HERC5: variants seen among roughly 807,000 people sequenced by gnomAD.
HERC5 encodes E3 ISG15--protein ligase HERC5.
Under a neutral mutation model 119.6 loss-of-function variants are expected in HERC5, and 99 were observed. That is an observed-to-expected ratio of 0.83 (90% CI 0.70 to 0.98). The LOEUF is 0.98. Among genes scored for constraint, HERC5 ranks in the 50% least tolerant of loss-of-function variants. The pLI, the probability that HERC5 is intolerant of heterozygous loss-of-function variation, is 0.00. For missense variants in HERC5, 1,267 were observed against 1,241.3 expected (o/e 1.02, Z -0.31); for synonymous variants, 478 against 445.9 (o/e 1.07, Z -0.91).
At chr4:88,498,649 C>T (rs544921534) in intron 18 of HERC5, among the ~76,000 whole-genome samples, 1 of 152,328 alleles carries the variant, frequency 6.6e-6, no homozygotes, top group South Asian at 2.1e-4. Flanking sequence ...GGGCTCACTG[C>T]AACCTCCACC....
intron 6 of HERC5, among the ~76,000 whole-genome samples, chr4:88,466,363 T>C (rs571672449): frequency 6.6e-6 from 1 of 152,332 alleles, no homozygotes; most frequent in South Asian, 2.1e-4. Flanking sequence ...ATTACAGGCA[T>C]GAGCCACCAC....
In HERC5 at chr4:88,467,766, T is replaced by C. The variant is rs138904059; in HGVS notation, c.1057+562T>C. ...TGGCCAGTAAGTGGTTTGTCTGGAG[T>C]TGAACCCGTGCCCTTTATGACCTCA... On this transcript the variant is annotated intron_variant, in intron 7 of 22. Transcript: ENST00000264350. 2.2e-4 allele frequency: 62 copies of C among 275,828 alleles called. No individual in the cohort carries two copies. In the East Asian group the frequency reaches 4.6e-3, roughly 20 times the overall value. The allele number at this position is 275,828 out of a possible 1,614,324, so 17.1% of individuals were successfully genotyped here.
chr4:88,462,923 C>G (rs1740503265), intron 4 of HERC5, among the ~76,000 whole-genome samples: 1 of 152,130 alleles, frequency 6.6e-6, no homozygotes, highest in African/African-American at 2.4e-5. Context: ...TAAGAGTTTT[C>G]AGGTGTAAGA....
At chr4:88,481,710 G>T (rs529589686) in intron 13 of HERC5, among the ~76,000 whole-genome samples, 178 of 152,258 alleles carry the variant, frequency 1.2e-3, no homozygotes, top group Non-Finnish European at 2.0e-3. Context: ...AGTTGTTCAG[G>T]AGTAGCATGA....
intron 16 of HERC5, 60 bp downstream of exon 16, chr4:88,489,396 G>A (rs555658484): frequency 4.9e-6 from 7 of 1,436,802 alleles, no homozygotes; most frequent in African/African-American, 1.4e-5. Flanking sequence ...ATAAAAGAAT[G>A]TGGCAAAGGG....
In HERC5 at chr4:88,491,096, T is replaced by C. The variant is rs371946866; in HGVS notation, c.2133+1760T>C. Among the ~76,000 whole-genome samples, 28 of 152,258 alleles carry C rather than the reference T, an allele frequency of 1.8e-4. 1 individual carries two copies. In the East Asian group the frequency reaches 5.4e-3, roughly 29 times the overall value. On this transcript the variant is annotated intron_variant, in intron 16 of 22. Coordinates refer to ENST00000264350, the MANE Select transcript of HERC5 (RefSeq NM_016323.4). ...GACCCCTGTAATCTTTCTGATAATC[T>C]TGTGGGAAAACTGAGGTTTTATGAG... is the stretch of plus-strand genomic sequence containing the variant.
At chr4:88,487,254 G>GTTCTC in intron 15 of HERC5, 75 bp downstream of exon 15, 1 of 800,718 alleles carries the variant, frequency 1.2e-6, no homozygotes, top group Non-Finnish European at 2.0e-6. Flanking sequence ...TATTTTGGGG[G>GTTCTC]TGATAAGAGA....
At chr4:88,465,076 G>A (rs1740610849) in intron 6 of HERC5, among the ~76,000 whole-genome samples, 2 of 152,062 alleles carry the variant, frequency 1.3e-5, no homozygotes, top group Non-Finnish European at 2.9e-5. Flanking sequence ...GGCCACAACC[G>A]GCTAATTTTT....
At chr4:88,475,021 G>A (rs1209642110) in intron 11 of HERC5, among the ~76,000 whole-genome samples, 1 of 152,022 alleles carries the variant, frequency 6.6e-6, no homozygotes, top group Non-Finnish European at 1.5e-5. Flanking sequence ...GGAAATTGGA[G>A]GGGCTAGAAA....
Position 88,463,587 on chromosome 4 carries a change from C to T in HERC5, c.744C>T (p.Val248=), listed in dbSNP as rs772554974. The T allele has an allele frequency of 1.7e-5, 28 of 1,613,272 alleles. No homozygotes were observed. The highest frequency in any genetic ancestry group is 1.3e-4 in the Admixed American group (8 of 59,936). Residue 248 remains valine, a synonymous_variant, in exon 5 of 23, where the codon GTC becomes GTT. Transcript: ENST00000264350. The part of the protein sequence containing the change: ...EGLDNQKVEF[V]ACGGSHSALL... ...TAGACAATCAGAAAGTTGAATTTGT[C>T]GCTTGTGGTGGCTCTCACAGTGCCC...
chr4:88,475,718 A>T, intron 11 of HERC5, 123 bp from the exon 12 acceptor site: 1 of 826,142 alleles, frequency 1.2e-6, no homozygotes, highest in Non-Finnish European at 2.0e-6. Context: ...AGAAAACTCA[A>T]TGATTATTCT....
At chr4:88,478,812 A>G (rs1017797926) in intron 12 of HERC5, among the ~76,000 whole-genome samples, 8 of 151,908 alleles carry the variant, frequency 5.3e-5, no homozygotes, top group Non-Finnish European at 8.8e-5. Context: ...GAGTTTCTCT[A>G]TGTTGCCCAG....
At chr4:88,493,833 C>G (rs2149105599) in intron 17 of HERC5, among the ~76,000 whole-genome samples, 1 of 151,904 alleles carries the variant, frequency 6.6e-6, no homozygotes, top group South Asian at 2.1e-4. Context: ...AGGCTGGTCT[C>G]AAACTCCTGA....
At chr4:88,501,694 C>T (rs1386245709) in intron 20 of HERC5, among the ~76,000 whole-genome samples, 2 of 152,046 alleles carry the variant, frequency 1.3e-5, no homozygotes, top group South Asian at 2.1e-4. Context: ...TAGTGAATTT[C>T]ACAAAGCAAA....
chr4:88,496,574 A>G (rs562381787), intron 18 of HERC5, among the ~76,000 whole-genome samples: 2 of 152,314 alleles, frequency 1.3e-5, no homozygotes, highest in Non-Finnish European at 2.9e-5. Flanking sequence ...AACTGGAAAA[A>G]AATGATATCT....
chr4:88,481,662 T>C (rs995944058), intron 13 of HERC5, among the ~76,000 whole-genome samples: 4 of 152,224 alleles, frequency 2.6e-5, no homozygotes, highest in African/African-American at 9.6e-5. Flanking sequence ...TTTTAGGCTT[T>C]ATGAGGCATG....
chr4:88,479,256 G>A, intron 12 of HERC5, 97 bp from the exon 13 acceptor site: 1 of 976,326 alleles, frequency 1.0e-6, no homozygotes, highest in Non-Finnish European at 1.4e-6. Context: ...CTGCACTCCA[G>A]GCTGGGCAAC....
intron 8 of HERC5, 105 bp from the exon 9 acceptor site, chr4:88,469,052 C>A: frequency 1.5e-6 from 1 of 658,862 alleles, no homozygotes; most frequent in Non-Finnish European, 2.7e-6. Context: ...GGCTGTATTA[C>A]ACATATTTAA....
At chr4:88,505,643 C>G in intron 22 of HERC5, 30 bp from the exon 23 acceptor site, 2 of 1,335,902 alleles carry the variant, frequency 1.5e-6, no homozygotes, top group Non-Finnish European at 2.1e-6. Flanking sequence ...CCATGTAAAA[C>G]AGATTGCCTA....
Sources: gnomAD v4.1 joint callset for allele counts (sites outside exome capture counted in the v4.1 genomes callset) on GRCh38, gnomAD v4.1.1 for gene constraint, MANE v1.5 for transcripts, NCBI Gene and HGNC (gene_info 2026-07-23, HGNC 2026-07-21) for gene names.